The following AKAP6 variants were observed in gnomAD, a reference collection of about 807,000 sequenced individuals.
The protein encoded by AKAP6 is A-kinase anchor protein 6.
AKAP6 carries 58 observed loss-of-function variants against 188.5 expected under a neutral mutation model. The ratio of observed to expected loss-of-function variants is 0.31; its 90% CI spans 0.25 to 0.38. The LOEUF is 0.38. Ranked by LOEUF, AKAP6 falls within the 10% of genes least tolerant of loss-of-function variation. AKAP6 has a pLI of 1.00. For synonymous variants in AKAP6, 989 were observed against 998.6 expected (o/e 0.99, Z 0.18); for missense variants, 2,710 against 2,740.0 (o/e 0.99, Z 0.24).
At chr14:32,714,057 G>A (rs931791153) in intron 9 of AKAP6, among the ~76,000 whole-genome samples, 9 of 152,014 alleles carry the variant, frequency 5.9e-5, no homozygotes, top group South Asian at 2.1e-4. Context: ...TTACTTGGCC[G>A]CATTTCAATA....
intron 2 of AKAP6, among the ~76,000 whole-genome samples, chr14:32,497,657 T>C (rs8016179): frequency 0.021 from 3,126 of 152,152 alleles, 110 homozygotes; most frequent in African/African-American, 0.071. Flanking sequence ...GCTAGTGTTG[T>C]TCACATCTTC....
At chr14:32,713,438 T>C (rs2030003626) in intron 9 of AKAP6, among the ~76,000 whole-genome samples, 1 of 146,896 alleles carries the variant, frequency 6.8e-6, no homozygotes, top group Non-Finnish European at 1.5e-5. Context: ...TTCTCCTCTC[T>C]AGCCATGAAA....
intron 11 of AKAP6, among the ~76,000 whole-genome samples, chr14:32,754,753 T>A (rs1204079650): frequency 6.6e-6 from 1 of 152,224 alleles, no homozygotes; most frequent in Non-Finnish European, 1.5e-5. Context: ...CTGAAGGACA[T>A]CATTGCCAAA....
intron 1 of AKAP6, among the ~76,000 whole-genome samples, chr14:32,351,505 T>C (rs1594529377): frequency 6.7e-6 from 1 of 149,198 alleles, no homozygotes; most frequent in African/African-American, 2.5e-5. Flanking sequence ...GAGGCTGTAG[T>C]GAGTCGAGAT....
intron 7 of AKAP6, among the ~76,000 whole-genome samples, chr14:32,647,437 T>C (rs1440932484): frequency 6.6e-6 from 1 of 152,112 alleles, no homozygotes; most frequent in African/African-American, 2.4e-5. Context: ...AAATAAGAGC[T>C]GAGAATCCCT....
chr14:32,610,259 T>G lies in AKAP6; in HGVS notation c.2730+9467T>G, dbSNP rs139589442. Among the ~76,000 whole-genome samples the G allele has an allele frequency of 3.8e-3, 586 of 152,304 alleles. 3 individuals carry two copies. Among genetic ancestry groups the G allele is most frequent in the African/African-American group, 0.013 (545 of 41,572 alleles). Reference sequence around the variant, plus strand: ...CATAACAAGGGAAAGGACAAACTTCTTAGCCCATCATTTGATTCTAGCTGC... The same window carrying G: ...CATAACAAGGGAAAGGACAAACTTCGTAGCCCATCATTTGATTCTAGCTGC... On this transcript the variant is annotated intron_variant, in intron 7 of 13. Transcript: ENST00000280979.
At chr14:32,750,232 T>G (rs889334766) in intron 11 of AKAP6, among the ~76,000 whole-genome samples, 5 of 152,268 alleles carry the variant, frequency 3.3e-5, no homozygotes, top group African/African-American at 9.6e-5. Context: ...TTATTTACAG[T>G]GCCAAGATTG....
In AKAP6 at chr14:32,433,750, A is replaced by T; in HGVS notation, c.257A>T (p.Asp86Val). 6.2e-7 allele frequency: 1 copy of T among 1,614,194 alleles called. No individual in the cohort carries two copies. Among genetic ancestry groups the T allele is most frequent in the South Asian group, 1.1e-5 (1 of 91,080 alleles). Residue 86 changes from aspartate to valine, a missense_variant, in exon 2 of 14, where the codon GAC becomes GTC. By Grantham distance (152) the Asp-to-Val change is radical. Transcript: ENST00000280979. ...CGGATGACCTCAGAGAGGGTCCGAG[A>T]CCTAACCTATTCAGTCCAGCAGGAT... Reference protein sequence around the residue: ...WLRMTSERVRDLTYSVQQDSD... With the variant: ...WLRMTSERVRVLTYSVQQDSD...
chr14:32,396,870 C>G (rs1181765198), intron 1 of AKAP6, among the ~76,000 whole-genome samples: 2 of 152,126 alleles, frequency 1.3e-5, no homozygotes, highest in African/African-American at 4.8e-5. Context: ...AATGTTCTCA[C>G]TTTTTAAGCT....
chr14:32,625,417 G>C (rs1886980753), intron 7 of AKAP6, among the ~76,000 whole-genome samples: 1 of 152,038 alleles, frequency 6.6e-6, no homozygotes, highest in Admixed American at 6.5e-5. Flanking sequence ...ATTAAGGTGT[G>C]CATAAACCTG....
At chr14:32,728,076 C>T (rs536257972) in intron 9 of AKAP6, among the ~76,000 whole-genome samples, 23 of 152,116 alleles carry the variant, frequency 1.5e-4, no homozygotes, top group Admixed American at 3.9e-4. Flanking sequence ...TATAAAAAGA[C>T]TCTTTGTTCA....
chr14:32,681,705 G>C (rs1378172178), intron 8 of AKAP6, among the ~76,000 whole-genome samples: 1 of 147,930 alleles, frequency 6.8e-6, no homozygotes, highest in Non-Finnish European at 1.5e-5. Flanking sequence ...TTGAGATAGG[G>C]TCTCATTCCC....
intron 8 of AKAP6, among the ~76,000 whole-genome samples, chr14:32,680,512 G>A (rs1186703430): frequency 1.3e-5 from 2 of 152,118 alleles, no homozygotes; most frequent in African/African-American, 4.8e-5. Flanking sequence ...AAGTAATTGT[G>A]GGAATGGTGT....
chr14:32,713,276 G>A (rs2029993744), intron 9 of AKAP6, among the ~76,000 whole-genome samples: 2 of 152,026 alleles, frequency 1.3e-5, no homozygotes, highest in Admixed American at 6.6e-5. Flanking sequence ...CACTGATAGA[G>A]CACAGGCAGA....
At chr14:32,576,906 G>A (rs1007133721) in intron 4 of AKAP6, among the ~76,000 whole-genome samples, 3 of 152,152 alleles carry the variant, frequency 2.0e-5, no homozygotes, top group African/African-American at 7.2e-5. Context: ...AACTGAGAGG[G>A]AAGCATTGAC....
Position 32,676,600 on chromosome 14 carries a change from T to C in AKAP6, c.2731-1711T>C, listed in dbSNP as rs554522105. On this transcript the variant is annotated intron_variant, in intron 7 of 13. Transcript: ENST00000280979. ...GTGTTTGACATAGTTCTTAATCCAA[T>C]TGAGTGTCTTCTTATTCAAGTCAAT... Among the ~76,000 whole-genome samples, 6 of 152,320 alleles carry C rather than the reference T, an allele frequency of 3.9e-5. No homozygotes were observed. In the South Asian group the frequency reaches 1.0e-3, roughly 26 times the overall value.
rs1555331130 is a variant in AKAP6, at chr14:32,466,845, A to ATATATATT, written c.324+33029_324+33030insATATATTT. Reference sequence around the variant, plus strand: ...AACAAGATTATATATATATATATATATTTTCTTTCTTAGCAAGACTAATTC... The same window carrying ATATATATT: ...AACAAGATTATATATATATATATATATATATATTTTTTCTTTCTTAGCAAGACTAATTC... On this transcript the variant is annotated intron_variant, in intron 2 of 13. Coordinates refer to ENST00000280979, the MANE Select transcript of AKAP6 (RefSeq NM_004274.5). Among the ~76,000 whole-genome samples, 14 of 144,222 alleles carry ATATATATT rather than the reference A, an allele frequency of 9.7e-5. 1 individual carries two copies. Among genetic ancestry groups the ATATATATT allele is most frequent in the Middle Eastern group, 3.6e-3 (1 of 276 alleles). The allele number at this position is 144,222 out of a possible 152,430, so 94.6% of individuals were successfully genotyped here. A position where few individuals can be genotyped will look rare whatever the true frequency, so the allele number is the denominator to read the frequency against.
chr14:32,553,519 A>G (rs1883569565), intron 4 of AKAP6, among the ~76,000 whole-genome samples: 1 of 152,152 alleles, frequency 6.6e-6, no homozygotes, highest in African/African-American at 2.4e-5. Flanking sequence ...TAATATATTC[A>G]CATGGTTTTA....
At chr14:32,649,987 G>A (rs1000202694) in intron 7 of AKAP6, among the ~76,000 whole-genome samples, 6 of 152,146 alleles carry the variant, frequency 3.9e-5, no homozygotes, top group Admixed American at 6.5e-5. Context: ...AGAAACAGAG[G>A]CTGAAAAGGG....
Sources: allele counts gnomAD v4.1 joint callset (sites outside exome capture counted in the v4.1 genomes callset), GRCh38; gene constraint gnomAD v4.1.1; transcripts MANE v1.5; gene names NCBI Gene and HGNC (gene_info 2026-07-23, HGNC 2026-07-21).